B4GALT4: variants seen among roughly 807,000 people sequenced by gnomAD.
B4GALT4 encodes the protein N-acetyllactosamine synthase.
B4GALT4 carries 27 observed loss-of-function variants against 37.3 expected under a neutral mutation model. The ratio of observed to expected loss-of-function variants is 0.72; its 90% CI spans 0.53 to 1.00. B4GALT4 has a LOEUF of 1.00. Among genes scored for constraint, B4GALT4 ranks in the 50% least tolerant of loss-of-function variants. The probability of loss-of-function intolerance (pLI) is 0.00; values close to 1 mark genes in which losing one functional copy is unlikely to be tolerated. For missense variants in B4GALT4, 372 were observed against 413.1 expected (o/e 0.90, Z 0.86); for synonymous variants, 148 against 154.1 (o/e 0.96, Z 0.29).
At chr3:119,218,419 C>G (rs895155439) in intron 6 of B4GALT4, among the ~76,000 whole-genome samples, 2 of 152,146 alleles carry the variant, frequency 1.3e-5, no homozygotes, top group African/African-American at 4.8e-5. Context: ...GTACATGAGG[C>G]CTCCACCAAC....
intron 2 of B4GALT4, among the ~76,000 whole-genome samples, chr3:119,230,635 A>C (rs2078781318): frequency 6.6e-6 from 1 of 152,220 alleles, no homozygotes; most frequent in Non-Finnish European, 1.5e-5. Flanking sequence ...AAAAATGTGA[A>C]GCCTTGTTAC....
rs183223440 is a variant in B4GALT4 at position 119,220,640 on chromosome 3, C to T, written c.675-1868G>A. ...AGGGAGAAAGACACAGGCTGCCCGA[C>T]GACCACCTGGAGAGGGGTGAGCTGG... On this transcript the variant is annotated intron_variant, in intron 5 of 7. Transcript: ENST00000393765. Among the ~76,000 whole-genome samples the T allele has an allele frequency of 9.7e-4, 148 of 152,220 alleles. 1 individual carries two copies. Among genetic ancestry groups the T allele is most frequent in the African/African-American group, 3.2e-3 (134 of 41,536 alleles).
Position 119,212,466 on chromosome 3 carries a change from G to A in B4GALT4, c.*83C>T. The stretch of plus-strand genomic sequence containing the variant: ...CAATGAGCTGTAACAGGTTCTTAAT[G>A]TGTGCTACTATTTGAAGTCTCTAGG... On this transcript the variant is annotated 3_prime_UTR_variant, in exon 8 of 8. Coordinates refer to ENST00000393765, the MANE Select transcript of B4GALT4 (RefSeq NM_003778.4). 7.3e-7 allele frequency: 1 copy of A among 1,371,842 alleles called. No homozygotes were observed. Among genetic ancestry groups the A allele is most frequent in the Non-Finnish European group, 1.0e-6 (1 of 1,004,720 alleles). The allele number at this position is 1,371,842 out of a possible 1,614,324, so 85.0% of individuals were successfully genotyped here.
chr3:119,218,154 G>A (rs751793389), intron 6 of B4GALT4, among the ~76,000 whole-genome samples: 4 of 152,144 alleles, frequency 2.6e-5, no homozygotes, highest in Non-Finnish European at 5.9e-5. Context: ...CAGGCCACCT[G>A]CAGTCTCCAC....
At chr3:119,238,860 T>C (rs891420930) in intron 1 of B4GALT4, among the ~76,000 whole-genome samples, 2 of 152,208 alleles carry the variant, frequency 1.3e-5, no homozygotes, top group African/African-American at 2.4e-5. Context: ...AATTCATTCA[T>C]ATAACCTTTA....
At chr3:119,235,782 C>G (rs1231670198) in intron 2 of B4GALT4, among the ~76,000 whole-genome samples, 1 of 152,060 alleles carries the variant, frequency 6.6e-6, no homozygotes, top group Admixed American at 6.5e-5. Flanking sequence ...AGATTAAGCT[C>G]CTAACAGCCC....
At chr3:119,230,852 A>G (rs1343127147) in intron 2 of B4GALT4, among the ~76,000 whole-genome samples, 1 of 152,242 alleles carries the variant, frequency 6.6e-6, no homozygotes, top group Non-Finnish European at 1.5e-5. Flanking sequence ...TCAACAATCT[A>G]TCTGTAAGAA....
intron 5 of B4GALT4, among the ~76,000 whole-genome samples, chr3:119,222,238 T>G (rs1482374702): frequency 6.6e-6 from 1 of 152,146 alleles, no homozygotes; most frequent in Non-Finnish European, 1.5e-5. Flanking sequence ...TACTACAGAG[T>G]AAGTGAACAG....
intron 3 of B4GALT4, among the ~76,000 whole-genome samples, chr3:119,229,055 A>G (rs1185505604): frequency 1.3e-5 from 2 of 152,208 alleles, no homozygotes; most frequent in Admixed American, 6.5e-5. Context: ...AACATACAAC[A>G]TATTTAAGAA....
At chr3:119,214,389 C>T (rs1168429284) in intron 7 of B4GALT4, 2 of 152,178 alleles carry the variant, frequency 1.3e-5, no homozygotes, top group East Asian at 3.8e-4. Flanking sequence ...CAATCAAAGC[C>T]TCATAAGAAC....
intron 1 of B4GALT4, chr3:119,240,241 G>GT (rs146347999): frequency 0.031 from 4,684 of 151,716 alleles, 97 homozygotes; most frequent in Middle Eastern, 0.052. Context: ...GACTTTGTCT[G>GT]TTTTTTTTCA....
Position 119,218,730 on chromosome 3 carries a change from G to A in B4GALT4, c.717C>T (p.Ser239=). Residue 239 remains serine, a synonymous_variant, in exon 6 of 8, where the codon AGC becomes AGT. Transcript: ENST00000393765. Reference sequence around the variant, plus strand: ...CATTCACCTTGAAAAACTGCTCTCTGCTTAGGGCAGTAACACCCCCAAAAT... The same window carrying A: ...CATTCACCTTGAAAAACTGCTCTCTACTTAGGGCAGTAACACCCCCAAAAT... ...SGYFGGVTAL[S]REQFFKVNGF... is the part of the protein sequence containing the mutation. The A allele has an allele frequency of 6.2e-7, 1 of 1,614,094 alleles. No individual in the cohort carries two copies. The highest frequency in any genetic ancestry group is 8.5e-7 in the Non-Finnish European group (1 of 1,179,982).
intron 2 of B4GALT4, chr3:119,233,184 G>A (rs760354093): frequency 6.6e-6 from 1 of 152,178 alleles, no homozygotes; most frequent in African/African-American, 2.4e-5. Flanking sequence ...GTGGAAGGAG[G>A]TTATGACCAT....
intron 4 of B4GALT4, among the ~76,000 whole-genome samples, chr3:119,224,634 T>G (rs1200405511): frequency 6.6e-6 from 1 of 152,222 alleles, no homozygotes; most frequent in African/African-American, 2.4e-5. Context: ...ATTACTAAAC[T>G]GCACACTCAA....
intron 7 of B4GALT4, chr3:119,213,659 A>C (rs1559910803): frequency 1.3e-5 from 2 of 152,198 alleles, no homozygotes; most frequent in Non-Finnish European, 2.9e-5. Context: ...GTGAAGGAGG[A>C]GACTACAGAA....
At chr3:119,228,152 T>C (rs2078683554) in intron 3 of B4GALT4, among the ~76,000 whole-genome samples, 1 of 152,220 alleles carries the variant, frequency 6.6e-6, no homozygotes, top group Non-Finnish European at 1.5e-5. Flanking sequence ...GATGGTCTCC[T>C]GTGTGGCCTG....
chr3:119,228,706 T>C (rs116774976), intron 3 of B4GALT4, among the ~76,000 whole-genome samples: 247 of 152,316 alleles, frequency 1.6e-3, no homozygotes, highest in African/African-American at 5.7e-3. Context: ...ACTGAATGTC[T>C]GTGTCCCCAA....
chr3:119,240,662 C>G (rs1010859632), intron 1 of B4GALT4, 188 bp downstream of exon 1: 2 of 152,316 alleles, frequency 1.3e-5, no homozygotes, highest in Non-Finnish European at 2.9e-5. Context: ...GCTCGGCCTC[C>G]GTAGGCCCCC....
chr3:119,216,251 C>T lies in B4GALT4; in HGVS notation c.891G>A (p.Val297=), dbSNP rs769564100. ...VFHTRDKGNE[V]NAERMKLLHQ... ...AAGCCAGGACTTACCGTTCTGCGTTCACCTCATTGCCTTTGTCTCTAGTGT... is the reference window on the plus strand; with the variant it reads ...AAGCCAGGACTTACCGTTCTGCGTTTACCTCATTGCCTTTGTCTCTAGTGT... Residue 297 remains valine, a synonymous_variant, in exon 7 of 8, where the codon GTG becomes GTA. Transcript: ENST00000393765. The T allele has an allele frequency of 1.4e-5, 22 of 1,612,252 alleles. No homozygotes were observed. In the East Asian group the frequency reaches 4.7e-4, roughly 34 times the overall value.
Sources: gnomAD v4.1 joint callset for allele counts (sites outside exome capture counted in the v4.1 genomes callset) on GRCh38, gnomAD v4.1.1 for gene constraint, MANE v1.5 for transcripts, NCBI Gene and HGNC (gene_info 2026-07-23, HGNC 2026-07-21) for gene names.